CSMD1: variants seen among roughly 807,000 people sequenced by gnomAD.
CSMD1 encodes CUB and Sushi multiple domains 1.
A neutral mutation model predicts 417.5 loss-of-function variants in CSMD1; 213 were observed. That is an observed-to-expected ratio of 0.51 (90% CI 0.46 to 0.57). The LOEUF is 0.57. Ranked by LOEUF, CSMD1 falls within the 20% of genes least tolerant of loss-of-function variation. The pLI, the probability that CSMD1 is intolerant of heterozygous loss-of-function variation, is 0.00. For missense variants in CSMD1, 6,923 were observed against 4,529.7 expected (o/e 1.53, Z -15.17); for synonymous variants, 2,862 against 1,736.8 (o/e 1.65, Z -16.11).
At chr8:4,804,526 C>T (rs1229350925) in intron 1 of CSMD1, among the ~76,000 whole-genome samples, 3 of 139,352 alleles carry the variant, frequency 2.2e-5, no homozygotes, top group Non-Finnish European at 4.6e-5. Context: ...AAAGAATGGA[C>T]GTGAGAGAGA....
At chr8:4,815,909 T>C (rs1405430088) in intron 1 of CSMD1, among the ~76,000 whole-genome samples, 1 of 152,082 alleles carries the variant, frequency 6.6e-6, no homozygotes, top group African/African-American at 2.4e-5. Flanking sequence ...ATCTAGGCTT[T>C]CTAGGAAGTA....
At chr8:4,037,048 C>T (rs545425960) in intron 3 of CSMD1, among the ~76,000 whole-genome samples, 3 of 151,844 alleles carry the variant, frequency 2.0e-5, no homozygotes, top group East Asian at 1.9e-4. Flanking sequence ...ACCTGGCACC[C>T]GGAGCTGCTG....
chr8:3,690,784 A>G (rs1408480176), intron 7 of CSMD1, among the ~76,000 whole-genome samples: 4 of 152,228 alleles, frequency 2.6e-5, no homozygotes, highest in Admixed American at 1.3e-4. Context: ...AGTTTAATTT[A>G]TAAAAAAAGG....
At chr8:3,662,569 C>G in intron 7 of CSMD1, among the ~76,000 whole-genome samples, 1 of 152,140 alleles carries the variant, frequency 6.6e-6, no homozygotes, top group Non-Finnish European at 1.5e-5. Flanking sequence ...AATGGGATCG[C>G]TAGGTCAAAT....
intron 48 of CSMD1, among the ~76,000 whole-genome samples, chr8:3,088,391 AT>A (rs1292915717): frequency 2.0e-5 from 3 of 152,316 alleles, no homozygotes; most frequent in African/African-American, 4.8e-5. Flanking sequence ...TTTTTAAAGA[AT>A]TTTAGATCTT....
chr8:3,240,190 C>A (rs1395778844), intron 26 of CSMD1, among the ~76,000 whole-genome samples: 1 of 152,104 alleles, frequency 6.6e-6, no homozygotes, highest in Non-Finnish European at 1.5e-5. Flanking sequence ...AGAATTCTGA[C>A]TGCGCAGCCC....
chr8:3,869,955 C>G (rs1229691076), intron 5 of CSMD1, among the ~76,000 whole-genome samples: 1 of 151,724 alleles, frequency 6.6e-6, no homozygotes. Flanking sequence ...AGCTATATGT[C>G]ATCTATATAT....
chr8:4,177,406 G>A (rs556951217), intron 3 of CSMD1, among the ~76,000 whole-genome samples: 3 of 152,116 alleles, frequency 2.0e-5, no homozygotes, highest in Non-Finnish European at 4.4e-5. Context: ...CAACATACCA[G>A]AATCTCTGGG....
At position 4,902,705 on chromosome 8, in the gene CSMD1, A is replaced by G. The variant is rs1455476049; in HGVS notation, c.85+91627T>C. On this transcript the variant is annotated intron_variant, in intron 1 of 69. Coordinates refer to ENST00000635120, the MANE Select transcript of CSMD1 (RefSeq NM_033225.6). ...ATAGGTGATATACGCACATGATACA[A>G]AATTCTACATATATCAAAATATATA... 3.3e-5 allele frequency among the ~76,000 whole-genome samples: 5 copies of G among 152,068 alleles called. No individual in the cohort carries two copies. The East Asian group carries it at 9.6e-4, about 29-fold the overall frequency.
chr8:4,438,585 C>G (rs954982272), intron 2 of CSMD1, among the ~76,000 whole-genome samples: 1 of 152,126 alleles, frequency 6.6e-6, no homozygotes, highest in East Asian at 1.9e-4. Context: ...GAGCCCTGCA[C>G]AGTCACATTG....
intron 3 of CSMD1, among the ~76,000 whole-genome samples, chr8:4,401,615 A>G (rs919972089): frequency 6.6e-6 from 1 of 152,076 alleles, no homozygotes. Context: ...CTCGGTCACC[A>G]CAAGAATCCC....
At chr8:4,456,059 CAAAAAAAAAA>C (rs34519287) in intron 2 of CSMD1, among the ~76,000 whole-genome samples, 2 of 118,470 alleles carry the variant, frequency 1.7e-5, no homozygotes, top group Admixed American at 1.7e-4. Flanking sequence ...TATCATTGAC[CAAAAAAAAAA>C]AAAAAAAAAA....
In CSMD1 at chr8:4,618,065, C is replaced by T. The variant is rs1012332648; in HGVS notation, c.302+19277G>A. Among the ~76,000 whole-genome samples the T allele has an allele frequency of 3.3e-5, 5 of 152,274 alleles. No homozygotes were observed. The East Asian group carries it at 5.8e-4, about 18-fold the overall frequency. Reference sequence around the variant, plus strand: ...TATGCACTATGGTGACAGGTCACTACCACATCATGCTGAATTTTTTGGTAC... The same window carrying T: ...TATGCACTATGGTGACAGGTCACTATCACATCATGCTGAATTTTTTGGTAC... On this transcript the variant is annotated intron_variant, in intron 2 of 69. Transcript: ENST00000635120.
chr8:3,764,726 C>T (rs1055248420), intron 5 of CSMD1, among the ~76,000 whole-genome samples: 8 of 144,566 alleles, frequency 5.5e-5, no homozygotes, highest in African/African-American at 1.5e-4. Context: ...CACAGCACTG[C>T]CCTTTTCTCT....
Position 4,159,749 on chromosome 8 carries a change from C to T in CSMD1, c.416-127650G>A, listed in dbSNP as rs569006764. Among the ~76,000 whole-genome samples the T allele has an allele frequency of 5.5e-4, 84 of 152,248 alleles. No individual in the cohort carries two copies. The South Asian group carries it at 7.0e-3, about 13-fold the overall frequency. On this transcript the variant is annotated intron_variant, in intron 3 of 69. Coordinates refer to ENST00000635120, the MANE Select transcript of CSMD1 (RefSeq NM_033225.6). ...GACTACAGGTGCCCGCCACCACGCC[C>T]GGCTAATTTTTTATATTTTTAGTAG... is the stretch of plus-strand genomic sequence containing the variant.
In CSMD1 at chr8:4,156,472, G is replaced by A. The variant is rs187047851; in HGVS notation, c.416-124373C>T. On this transcript the variant is annotated intron_variant, in intron 3 of 69. Transcript: ENST00000635120. The stretch of plus-strand genomic sequence containing the variant: ...CTATTGGTGCTAACTCTTTTATTGA[G>A]CATTTTTATGTCCAATTCTTTATCT... 1.0e-3 allele frequency among the ~76,000 whole-genome samples: 158 copies of A among 152,240 alleles called. 1 individual carries two copies. Among genetic ancestry groups the A allele is most frequent in the African/African-American group, 3.6e-3 (150 of 41,532 alleles).
At chr8:3,578,094 G>A (rs1488176501) in intron 9 of CSMD1, among the ~76,000 whole-genome samples, 2 of 152,172 alleles carry the variant, frequency 1.3e-5, no homozygotes, top group South Asian at 2.1e-4. Flanking sequence ...AGAGAGAAGA[G>A]CCAACATACA....
intron 1 of CSMD1, among the ~76,000 whole-genome samples, chr8:4,925,951 T>C (rs1017280794): frequency 2.0e-5 from 3 of 152,228 alleles, no homozygotes; most frequent in African/African-American, 4.8e-5. Flanking sequence ...GCCAGAGGTT[T>C]ATATTTTTGT....
chr8:3,937,015 G>A (rs79475922), intron 5 of CSMD1, among the ~76,000 whole-genome samples: 3 of 152,070 alleles, frequency 2.0e-5, no homozygotes, highest in South Asian at 4.1e-4. Flanking sequence ...TGGGTTAAAG[G>A]TTTCAGTGGA....
Sources: allele counts gnomAD v4.1 joint callset (sites outside exome capture counted in the v4.1 genomes callset), GRCh38; gene constraint gnomAD v4.1.1; transcripts MANE v1.5; gene names NCBI Gene and HGNC (gene_info 2026-07-23, HGNC 2026-07-21).